The following ARHGAP22 variants were observed in gnomAD, a reference collection of about 807,000 sequenced individuals.
ARHGAP22 encodes rho GTPase-activating protein 22.
In ARHGAP22, 48 loss-of-function variants were observed where a neutral mutation model predicts 59.1. The observed-to-expected ratio is 0.81, with a 90% CI of 0.64 to 1.03. The LOEUF (loss-of-function observed/expected upper bound fraction) is 1.03, where lower values mean the gene tolerates loss of function less well. Ranked by LOEUF, ARHGAP22 falls within the 50% of genes least tolerant of loss-of-function variation. The pLI is 0.00. For missense variants in ARHGAP22, 1,015 were observed against 958.7 expected, an observed-to-expected ratio of 1.06 and a Z score of -0.78; for synonymous variants, 445 against 416.4, an observed-to-expected ratio of 1.07 and a Z score of -0.84.
At chr10:48,624,368 G>A (rs1316857787) in intron 1 of ARHGAP22, 4 of 152,308 alleles carry the variant, frequency 2.6e-5, no homozygotes, top group African/African-American at 9.6e-5. Flanking sequence ...TTGAACTTGG[G>A]AGGCAGAGGT....
Position 48,473,358 on chromosome 10 carries a change from T to C in ARHGAP22, c.451+6278A>G, listed in dbSNP as rs529241382. On this transcript the variant is annotated intron_variant, in intron 4 of 9. Transcript: ENST00000249601. ...GGAGGGAGAAAGCCAGAGTTTCAGT[T>C]TGGGAAGATGAAAAAGTTCTGGAGA... 4.5e-4 allele frequency among the ~76,000 whole-genome samples: 69 copies of C among 152,262 alleles called. 1 individual carries two copies. The South Asian group carries it at 8.9e-3, about 20-fold the overall frequency.
intron 1 of ARHGAP22, among the ~76,000 whole-genome samples, chr10:48,584,770 G>A (rs890525694): frequency 1.8e-4 from 28 of 152,294 alleles, no homozygotes; most frequent in East Asian, 5.8e-4. Flanking sequence ...CAAGGCGGGC[G>A]GATCACGAGG....
At chr10:48,508,065 A>T (rs1361765456) in intron 3 of ARHGAP22, among the ~76,000 whole-genome samples, 1 of 152,088 alleles carries the variant, frequency 6.6e-6, no homozygotes, top group Non-Finnish European at 1.5e-5. Flanking sequence ...TCAGACTCCA[A>T]GTGTCAGGGC....
intron 3 of ARHGAP22, among the ~76,000 whole-genome samples, chr10:48,506,347 C>T (rs1288826587): frequency 6.6e-6 from 1 of 152,170 alleles, no homozygotes; most frequent in African/African-American, 2.4e-5. Context: ...ACAGTACAAA[C>T]CTGCACAGCA....
chr10:48,493,008 T>A (rs1269830486), intron 3 of ARHGAP22, among the ~76,000 whole-genome samples: 2 of 152,224 alleles, frequency 1.3e-5, no homozygotes, highest in Non-Finnish European at 2.9e-5. Context: ...AAAAATCTAG[T>A]GTATATTTAG....
At chr10:48,656,148 C>T (rs1472473425), upstream of ARHGAP22, 3 of 152,238 alleles carry the variant, frequency 2.0e-5, no homozygotes, top group African/African-American at 4.8e-5. Context: ...CCGCAGGCTC[C>T]CTGGCCGTGA....
At chr10:48,589,576 A>G (rs935391276) in intron 1 of ARHGAP22, among the ~76,000 whole-genome samples, 7 of 152,078 alleles carry the variant, frequency 4.6e-5, no homozygotes, top group Non-Finnish European at 8.8e-5. Context: ...CCCCATTCTC[A>G]TCCAGGGCTC....
At chr10:48,456,300 T>C (rs2046500522) in intron 5 of ARHGAP22, among the ~76,000 whole-genome samples, 1 of 152,178 alleles carries the variant, frequency 6.6e-6, no homozygotes, top group Non-Finnish European at 1.5e-5. Context: ...GCCCTGACAT[T>C]TGGGATTCTG....
intron 2 of ARHGAP22, among the ~76,000 whole-genome samples, chr10:48,581,870 G>A (rs1402091420): frequency 6.6e-6 from 1 of 152,186 alleles, no homozygotes; most frequent in Non-Finnish European, 1.5e-5. Context: ...AGTTATTCAT[G>A]AGCAGCCAGT....
intron 1 of ARHGAP22, among the ~76,000 whole-genome samples, chr10:48,617,507 TC>T (rs1370405841): frequency 6.6e-6 from 1 of 152,012 alleles, no homozygotes; most frequent in African/African-American, 2.4e-5. Flanking sequence ...AAGTATCTTT[TC>T]TGATCACATC....
intron 2 of ARHGAP22, among the ~76,000 whole-genome samples, chr10:48,572,551 C>T (rs148088209): frequency 1.6e-3 from 240 of 152,304 alleles, no homozygotes; most frequent in Middle Eastern, 6.8e-3. Context: ...TAAGCCTCTG[C>T]TCCAGAGTGA....
intron 5 of ARHGAP22, among the ~76,000 whole-genome samples, chr10:48,459,226 G>A (rs2046890734): frequency 6.6e-6 from 1 of 152,126 alleles, no homozygotes; most frequent in African/African-American, 2.4e-5. Context: ...GCAGATGGAG[G>A]AGACTCGCTC....
At chr10:48,553,190 C>A (rs973455759) in intron 3 of ARHGAP22, among the ~76,000 whole-genome samples, 1 of 152,250 alleles carries the variant, frequency 6.6e-6, no homozygotes, top group African/African-American at 2.4e-5. Flanking sequence ...ATAGCTGCGC[C>A]GCACTCTGCA....
chr10:48,501,750 A>G (rs995887024), intron 3 of ARHGAP22, among the ~76,000 whole-genome samples: 2 of 152,130 alleles, frequency 1.3e-5, no homozygotes, highest in African/African-American at 4.8e-5. Flanking sequence ...CAAAAAAAAA[A>G]AAAGAAGGTG....
chr10:48,603,312 AAATAT>A (rs1252289212), intron 1 of ARHGAP22, among the ~76,000 whole-genome samples: 1 of 152,238 alleles, frequency 6.6e-6, no homozygotes, highest in African/African-American at 2.4e-5. Flanking sequence ...GAAATATAAA[AAATAT>A]AATATGAGTC....
At chr10:48,492,714 C>T (rs969948466) in intron 3 of ARHGAP22, among the ~76,000 whole-genome samples, 1 of 152,030 alleles carries the variant, frequency 6.6e-6, no homozygotes, top group African/African-American at 2.4e-5. Context: ...CCACCACACC[C>T]AGCTAAATTG....
At chr10:48,524,026 C>T in intron 3 of ARHGAP22, 2 of 1,462,940 alleles carry the variant, frequency 1.4e-6, no homozygotes, top group South Asian at 1.3e-5. Flanking sequence ...CCGCAGGGAG[C>T]GGGGCGCACG....
intron 4 of ARHGAP22, among the ~76,000 whole-genome samples, chr10:48,462,875 C>T (rs942992994): frequency 6.6e-6 from 1 of 152,210 alleles, no homozygotes; most frequent in African/African-American, 2.4e-5. Flanking sequence ...CCACTGACAG[C>T]GTCCTGGCCT....
chr10:48,470,378 C>T (rs2048120311), intron 4 of ARHGAP22, among the ~76,000 whole-genome samples: 1 of 152,242 alleles, frequency 6.6e-6, no homozygotes, highest in Non-Finnish European at 1.5e-5. Flanking sequence ...TGGTAAACAG[C>T]TCTGTGGCTG....
Sources: gnomAD v4.1 joint callset for allele counts (sites outside exome capture counted in the v4.1 genomes callset) on GRCh38, gnomAD v4.1.1 for gene constraint, MANE v1.5 for transcripts, NCBI Gene and HGNC (gene_info 2026-07-23, HGNC 2026-07-21) for gene names.